The following HERC1 variants were observed in gnomAD, a reference collection of about 807,000 sequenced individuals.
The protein encoded by HERC1 is HECT and RLD domain containing E3 ubiquitin protein ligase family member 1.
HERC1 carries 160 observed loss-of-function variants against 554.3 expected under a neutral mutation model. The observed-to-expected ratio is 0.29, with a 90% CI of 0.25 to 0.33. The LOEUF (loss-of-function observed/expected upper bound fraction) is 0.33, where lower values mean the gene tolerates loss of function less well. HERC1 is among the 10% of genes least tolerant of loss of function. The pLI is 1.00. For synonymous variants in HERC1, 2,175 were observed against 2,131.7 expected (o/e 1.02, Z -0.56); for missense variants, 4,919 against 5,918.5 (o/e 0.83, Z 5.54).
chr15:63,647,157 G>A (rs184337681), intron 55 of HERC1, among the ~76,000 whole-genome samples: 1 of 152,134 alleles, frequency 6.6e-6, no homozygotes, highest in Non-Finnish European at 1.5e-5. Flanking sequence ...AGGAGACTGA[G>A]GCAGAAGAAT....
At chr15:63,642,442 A>C (rs1201221327) in intron 59 of HERC1, among the ~76,000 whole-genome samples, 8 of 152,070 alleles carry the variant, frequency 5.3e-5, no homozygotes, top group Non-Finnish European at 1.2e-4. Context: ...GGTTCAACCA[A>C]TTCTCCCGCC....
At chr15:63,770,951 G>A (rs1193972314) in intron 2 of HERC1, among the ~76,000 whole-genome samples, 1 of 152,198 alleles carries the variant, frequency 6.6e-6, no homozygotes, top group African/African-American at 2.4e-5. Flanking sequence ...CACTGTGGGA[G>A]GCCGAGGCAG....
chr15:63,696,315 T>A lies in HERC1; in HGVS notation c.4930A>T (p.Ile1644Phe). The change falls in exon 27 of 78, where the codon ATC becomes TTC. Residue 1644 changes from isoleucine to phenylalanine, a missense_variant. By Grantham distance (21) the Ile-to-Phe change is conservative. Around this residue, in one of 11 missense-constraint regions of HERC1, gnomAD observed 1,121 missense variants for 1,244.0 expected, o/e 0.90. Transcript: ENST00000443617. The part of the protein sequence containing the change: ...AELRLEALHQ[I>F]LVLLSGMEEK... ...TCCATCCCAGACAATAGAACGAGGA[T>A]CTGATGAAGTGCCTCTAAACGAAGC... 1 of 1,612,396 alleles carries A rather than the reference T, an allele frequency of 6.2e-7. No individual in the cohort carries two copies. The highest frequency in any genetic ancestry group is 8.5e-7 in the Non-Finnish European group (1 of 1,179,208).
At position 63,723,480 on chromosome 15, in the gene HERC1, CA is replaced by C. The variant is rs2073907730; in HGVS notation, c.3569-126del. On this transcript the variant is annotated intron_variant, in intron 18 of 77. Coordinates refer to ENST00000443617, the MANE Select transcript of HERC1 (RefSeq NM_003922.4). Reference sequence around the variant, plus strand: ...TCAAACCATTTTAAGTAGATGCTACCAAGGTAAAGTCCTTTAATGTTTTTCA... The same window carrying C: ...TCAAACCATTTTAAGTAGATGCTACCAGGTAAAGTCCTTTAATGTTTTTCA... 7.6e-6 allele frequency: 5 copies of C among 661,360 alleles called. No individual in the cohort carries two copies. The Admixed American group carries it at 1.6e-4, about 21-fold the overall frequency. The allele number at this position is 661,360 out of a possible 1,614,324, so 41.0% of individuals were successfully genotyped here. A position where few individuals can be genotyped will look rare whatever the true frequency, so the allele number is the denominator to read the frequency against.
Position 63,678,169 on chromosome 15 carries a change from T to G in HERC1, c.6746A>C (p.Lys2249Thr). Reference protein sequence around the residue: ...ERLHKIKICIKESGQKLKKSR... With the variant: ...ERLHKIKICITESGQKLKKSR... ...TTTCTTTAGCTTCTGACCTGACTCT[T>G]TAATACATATCTTAATTTTGTGAAG... Residue 2249 changes from lysine (K) to threonine (T), a missense_variant, in exon 37 of 78, where the codon AAA (lysine) becomes ACA (threonine). Physicochemically the swap from Lys to Thr is moderately conservative, Grantham distance 78. This residue lies in a region of HERC1 where 1,963 missense variants were observed against 2,228.6 expected (regional missense o/e 0.88). Coordinates refer to ENST00000443617, the MANE Select transcript of HERC1 (RefSeq NM_003922.4). The G allele has an allele frequency of 6.2e-7, 1 of 1,613,986 alleles. No individual in the cohort carries two copies. Among genetic ancestry groups the G allele is most frequent in the Non-Finnish European group, 8.5e-7 (1 of 1,179,858 alleles).
At chr15:63,653,174 C>T (rs2069797871) in intron 51 of HERC1, among the ~76,000 whole-genome samples, 1 of 152,136 alleles carries the variant, frequency 6.6e-6, no homozygotes, top group Admixed American at 6.5e-5. Flanking sequence ...GGTGCAGTGG[C>T]TCACACCTGT....
At chr15:63,809,769 T>C (rs1035353726) in intron 1 of HERC1, among the ~76,000 whole-genome samples, 1 of 148,194 alleles carries the variant, frequency 6.7e-6, no homozygotes, top group African/African-American at 2.5e-5. Flanking sequence ...TCCTATTCAT[T>C]GCAGCCTTGT....
intron 16 of HERC1, among the ~76,000 whole-genome samples, chr15:63,728,705 T>C (rs2074138610): frequency 6.6e-6 from 1 of 152,034 alleles, no homozygotes; most frequent in Admixed American, 6.5e-5. Context: ...ACACTGAGAC[T>C]AGATAAGACC....
chr15:63,759,605 G>C (rs941799520), intron 3 of HERC1, among the ~76,000 whole-genome samples: 6 of 152,182 alleles, frequency 3.9e-5, no homozygotes, highest in African/African-American at 1.2e-4. Context: ...TATATTTTGT[G>C]ACGTGAACTT....
rs879424249 is a variant in HERC1, at chr15:63,827,423, T to TA, written c.-27+6403dup. On this transcript the variant is annotated intron_variant, in intron 1 of 77. Transcript: ENST00000443617. The stretch of plus-strand genomic sequence containing the variant: ...TGAGCAACAGAGTGAGACTGTGTCT[T>TA]AAAAAAAAAAAAGACCGAAGAAAAT... Among the ~76,000 whole-genome samples, 230 of 141,054 alleles carry TA rather than the reference T, an allele frequency of 1.6e-3. 1 individual carries two copies. The highest frequency in any genetic ancestry group is 4.9e-3 in the African/African-American group (190 of 38,404). 92.5% of individuals were successfully genotyped at this position (141,054 alleles called of 152,430 possible).
At position 63,692,684 on chromosome 15, in the gene HERC1, C is replaced by CA. The variant is rs1274342833; in HGVS notation, c.5675-119dup. On this transcript the variant is annotated intron_variant, in intron 30 of 77. Transcript: ENST00000443617. The surrounding 1 kb of genome is among the most constrained non-coding windows in gnomAD (Gnocchi z 4.7). ...AATCTAATGCAAAATCTTAGGCTGT[C>CA]AGCTACTGAATTCTGAAAACTTAAA... 1 of 870,340 alleles carries CA rather than the reference C, an allele frequency of 1.1e-6. No individual in the cohort carries two copies. The highest frequency in any genetic ancestry group is 1.7e-5 in the African/African-American group (1 of 58,594). The allele number at this position is 870,340 out of a possible 1,614,324, so 53.9% of individuals were successfully genotyped here.
chr15:63,741,230 T>G (rs1386115944), intron 12 of HERC1, among the ~76,000 whole-genome samples: 1 of 152,026 alleles, frequency 6.6e-6, no homozygotes, highest in African/African-American at 2.4e-5. Flanking sequence ...GGTTTCACCA[T>G]GTTGGTCAGG....
rs558387787 is a variant in HERC1 at position 63,686,654 on chromosome 15, T to C, written c.6049-119A>G. The stretch of plus-strand genomic sequence containing the variant: ...TATTATGTATCTACTATGAATCAGT[T>C]ACTGTGCAGGGCAACAGGAACACAA... On this transcript the variant is annotated intron_variant, in intron 33 of 77. Transcript: ENST00000443617. 9.2e-5 allele frequency: 73 copies of C among 794,204 alleles called. No individual in the cohort carries two copies. In the African/African-American group the frequency reaches 1.2e-3, roughly 13 times the overall value. 49.2% of individuals were successfully genotyped at this position (794,204 alleles called of 1,614,324 possible). A position where few individuals can be genotyped will look rare whatever the true frequency, so the allele number is the denominator to read the frequency against.
chr15:63,817,672 G>A (rs190883032), intron 1 of HERC1, among the ~76,000 whole-genome samples: 10 of 152,172 alleles, frequency 6.6e-5, no homozygotes, highest in South Asian at 4.2e-4. Flanking sequence ...CCAAGTTCGC[G>A]CCACTACACT....
intron 66 of HERC1, among the ~76,000 whole-genome samples, 157 bp from the exon 67 acceptor site, chr15:63,634,127 A>G (rs1158123172): frequency 6.6e-6 from 1 of 152,252 alleles, no homozygotes; most frequent in East Asian, 1.9e-4. Context: ...AACCAAAGTA[A>G]GTCAACAAGA....
In HERC1 at chr15:63,734,983, C is replaced by A; in HGVS notation, c.2521-134G>T. On this transcript the variant is annotated intron_variant, in intron 12 of 77. Coordinates refer to ENST00000443617, the MANE Select transcript of HERC1 (RefSeq NM_003922.4). This position sits in a 1 kb window ranked among gnomAD's most constrained non-coding sequence, Gnocchi z 4.6. ...ATGGCATGATAAAAAAGAAAGCATG[C>A]AAGTCCTCCTTCAGATGTCTTTAAG... The A allele has an allele frequency of 1.4e-6, 1 of 711,406 alleles. No individual in the cohort carries two copies. The allele number at this position is 711,406 out of a possible 1,614,324, so 44.1% of individuals were successfully genotyped here.
At chr15:63,636,940 A>T (rs373921368) in intron 64 of HERC1, 28 of 316,528 alleles carry the variant, frequency 8.8e-5, no homozygotes, top group East Asian at 6.1e-4. Context: ...AAAGAACCTG[A>T]GCTTCTAGGA....
chr15:63,665,506 G>A (rs1434775019), intron 42 of HERC1, among the ~76,000 whole-genome samples: 3 of 152,138 alleles, frequency 2.0e-5, no homozygotes, highest in African/African-American at 7.2e-5. Flanking sequence ...CTGCACTCCA[G>A]CCTGGCGACA....
At chr15:63,687,033 T>C (rs1218760800) in intron 33 of HERC1, among the ~76,000 whole-genome samples, 2 of 152,042 alleles carry the variant, frequency 1.3e-5, no homozygotes, top group Non-Finnish European at 1.5e-5. Flanking sequence ...AGAAAACAAG[T>C]CTAGAAAGAG....
Sources: gnomAD v4.1 joint callset for allele counts (sites outside exome capture counted in the v4.1 genomes callset) on GRCh38, gnomAD v4.1.1 for gene constraint, gnomAD v4.1.1 regional missense constraint, Gnocchi (gnomAD v3.1) non-coding constraint, MANE v1.5 for transcripts, NCBI Gene and HGNC (gene_info 2026-07-23, HGNC 2026-07-21) for gene names.